The following NPAS3 variants were observed in gnomAD, a reference collection of about 807,000 sequenced individuals.
The protein encoded by NPAS3 is neuronal PAS domain-containing protein 3.
NPAS3 carries 14 observed loss-of-function variants against 73.1 expected under a neutral mutation model. That is an observed-to-expected ratio of 0.19 (90% confidence interval 0.13 to 0.30). NPAS3 has a LOEUF of 0.30. Ranked by LOEUF, NPAS3 falls within the 10% of genes least tolerant of loss-of-function variation. The pLI is 1.00. For synonymous variants in NPAS3, 620 were observed against 541.5 expected, an observed-to-expected ratio of 1.14 and a Z score of -2.01; for missense variants, 1,096 against 1,250.0, an observed-to-expected ratio of 0.88 and a Z score of 1.86.
chr14:33,611,636 T>C (rs993849452), intron 5 of NPAS3, among the ~76,000 whole-genome samples: 6 of 152,222 alleles, frequency 3.9e-5, no homozygotes, highest in Middle Eastern at 3.2e-3. Context: ...TTTCCTTGAA[T>C]ACATATTTTC....
intron 3 of NPAS3, among the ~76,000 whole-genome samples, chr14:33,349,833 A>G (rs1490427330): frequency 6.6e-6 from 1 of 152,210 alleles, no homozygotes; most frequent in Admixed American, 6.5e-5. Context: ...TAGTGGCATA[A>G]CTGGAGGGAG....
chr14:33,504,493 A>C (rs1405787077), intron 4 of NPAS3, among the ~76,000 whole-genome samples: 2 of 152,034 alleles, frequency 1.3e-5, no homozygotes, highest in East Asian at 3.9e-4. Flanking sequence ...TATGGGATGG[A>C]AATTCTCTAA....
intron 1 of NPAS3, among the ~76,000 whole-genome samples, chr14:32,970,295 C>G (rs1327247712): frequency 2.6e-5 from 4 of 152,076 alleles, no homozygotes; most frequent in African/African-American, 9.7e-5. Context: ...TGTTGCTGCC[C>G]TTAGTTGCTT....
intron 2 of NPAS3, among the ~76,000 whole-genome samples, chr14:33,142,309 A>T (rs1198509639): frequency 2.0e-5 from 3 of 149,650 alleles, no homozygotes; most frequent in Non-Finnish European, 3.0e-5. Context: ...CAAGACATAC[A>T]CTAACATTTT....
intron 3 of NPAS3, among the ~76,000 whole-genome samples, chr14:33,291,250 G>C (rs1663358436): frequency 6.6e-6 from 1 of 152,154 alleles, no homozygotes; most frequent in African/African-American, 2.4e-5. Context: ...ATGCTGTTAA[G>C]AGAGAAGCAT....
intron 3 of NPAS3, among the ~76,000 whole-genome samples, chr14:33,274,685 A>G (rs1268026870): frequency 6.6e-6 from 1 of 152,150 alleles, no homozygotes. Flanking sequence ...TGCATAAATG[A>G]TATAGCTAAA....
intron 6 of NPAS3, among the ~76,000 whole-genome samples, chr14:33,705,987 G>C (rs1337021474): frequency 6.6e-6 from 1 of 152,208 alleles, no homozygotes; most frequent in Non-Finnish European, 1.5e-5. Flanking sequence ...AGGATACAGT[G>C]ATGTGTTATT....
At chr14:33,744,059 T>G (rs1243332216) in intron 7 of NPAS3, among the ~76,000 whole-genome samples, 1 of 152,240 alleles carries the variant, frequency 6.6e-6, no homozygotes, top group Non-Finnish European at 1.5e-5. Context: ...TTCTTATCAT[T>G]TGTTTGTTCA....
intron 5 of NPAS3, among the ~76,000 whole-genome samples, chr14:33,607,436 T>C (rs2057606673): frequency 6.6e-6 from 1 of 151,598 alleles, no homozygotes; most frequent in African/African-American, 2.4e-5. Context: ...ATTCCATATA[T>C]ATAAAATTCT....
chr14:33,170,047 C>T (rs926179684), intron 2 of NPAS3, among the ~76,000 whole-genome samples: 1 of 152,010 alleles, frequency 6.6e-6, no homozygotes, highest in Admixed American at 6.6e-5. Flanking sequence ...CTTTGCTGGG[C>T]AGAGGGGGTG....
intron 4 of NPAS3, among the ~76,000 whole-genome samples, chr14:33,508,236 G>GCA (rs990412383): frequency 3.3e-5 from 5 of 152,142 alleles, no homozygotes; most frequent in Middle Eastern, 3.4e-3. Context: ...GGAGCCAACT[G>GCA]CACACACACT....
chr14:33,025,223 G>C (rs1476069324), intron 1 of NPAS3, among the ~76,000 whole-genome samples: 1 of 152,204 alleles, frequency 6.6e-6, no homozygotes, highest in African/African-American at 2.4e-5. Flanking sequence ...GACAAATCTA[G>C]GTTTGGGTCT....
intron 5 of NPAS3, among the ~76,000 whole-genome samples, chr14:33,593,320 C>G (rs755323024): frequency 3.5e-4 from 53 of 152,172 alleles, no homozygotes; most frequent in Non-Finnish European, 6.2e-4. Flanking sequence ...AGCTCCAAAG[C>G]CCATTTCTTT....
chr14:32,956,696 T>TTGAC (rs2036684216), intron 1 of NPAS3, among the ~76,000 whole-genome samples: 1 of 152,212 alleles, frequency 6.6e-6, no homozygotes, highest in Non-Finnish European at 1.5e-5. Flanking sequence ...TTCAGACATA[T>TTGAC]TGACATATGT....
chr14:33,301,504 T>C (rs1018353622), intron 3 of NPAS3, among the ~76,000 whole-genome samples: 8 of 151,778 alleles, frequency 5.3e-5, no homozygotes, highest in African/African-American at 1.7e-4. Context: ...GTGGGAAGTC[T>C]TGTGAGCTTC....
chr14:32,988,084 C>A (rs78196785), intron 1 of NPAS3, among the ~76,000 whole-genome samples: 210 of 152,152 alleles, frequency 1.4e-3, no homozygotes, highest in African/African-American at 4.9e-3. Flanking sequence ...TAAAATATAT[C>A]AAAATGCCAA....
intron 9 of NPAS3, among the ~76,000 whole-genome samples, chr14:33,782,319 C>T (rs1217887562): frequency 6.6e-6 from 1 of 152,188 alleles, no homozygotes; most frequent in Non-Finnish European, 1.5e-5. Context: ...ACTCCAGTTA[C>T]TTATGGTGTC....
At chr14:33,185,810 G>A (rs1015094707) in intron 2 of NPAS3, among the ~76,000 whole-genome samples, 1 of 152,174 alleles carries the variant, frequency 6.6e-6, no homozygotes, top group Admixed American at 6.5e-5. Context: ...GAACCTGTGA[G>A]TCAAGGTTAA....
intron 5 of NPAS3, among the ~76,000 whole-genome samples, chr14:33,669,125 GA>G (rs2059538606): frequency 8.3e-6 from 1 of 120,932 alleles, no homozygotes; most frequent in East Asian, 2.6e-4. Flanking sequence ...AAGAAGCTTT[GA>G]AAGTGACATC....
Sources: allele counts gnomAD v4.1 joint callset (sites outside exome capture counted in the v4.1 genomes callset), GRCh38; gene constraint gnomAD v4.1.1; transcripts MANE v1.5; gene names NCBI Gene and HGNC (gene_info 2026-07-23, HGNC 2026-07-21).